PRR12: variants seen among roughly 807,000 people sequenced by gnomAD.
The protein encoded by PRR12 is proline-rich protein 12.
Under a neutral mutation model 138.0 loss-of-function variants are expected in PRR12, and 12 were observed. That is an observed-to-expected ratio of 0.09 (90% CI 0.06 to 0.14). The LOEUF is 0.14. Ranked by LOEUF, PRR12 falls within the 10% of genes least tolerant of loss-of-function variation. PRR12 has a pLI of 1.00. For missense variants in PRR12, 2,692 were observed against 2,861.3 expected, an observed-to-expected ratio of 0.94 and a Z score of 1.35; for synonymous variants, 1,567 against 1,291.7, an observed-to-expected ratio of 1.21 and a Z score of -4.57.
At chr19:49,601,953 TG>T (rs1241696474) in intron 6 of PRR12, 35 bp downstream of exon 6, 1 of 1,596,570 alleles carries the variant, frequency 6.3e-7, no homozygotes, top group Non-Finnish European at 8.5e-7. Context: ...CTGGGCCTGA[TG>T]GGTTTGGTCA....
intron 6 of PRR12, among the ~76,000 whole-genome samples, chr19:49,611,326 C>T (rs972712689): frequency 2.0e-5 from 3 of 151,346 alleles, no homozygotes; most frequent in Admixed American, 6.6e-5. Flanking sequence ...CTGAGAGGGT[C>T]TCACAAAAAC....
In PRR12 at chr19:49,601,840, C is replaced by T. The variant is rs368409811; in HGVS notation, c.4695C>T (p.Ala1565=). The T allele has an allele frequency of 2.5e-4, 398 of 1,612,828 alleles. No homozygotes were observed. The highest frequency in any genetic ancestry group is 2.6e-4 in the Non-Finnish European group (307 of 1,179,882). Residue 1565 remains alanine (A), a synonymous_variant, in exon 6 of 14, where the codon GCC becomes GCT. Transcript: ENST00000418929. ...TGTGTGGGGAGACGGACGAGGAGGC[C>T]GGCGAGAGTGGCGGAGAGGGCATCT... ...AAVCGETDEE[A]GESGGEGIFR... is the part of the protein sequence containing the mutation.
At chr19:49,610,038 G>A (rs922351270) in intron 6 of PRR12, among the ~76,000 whole-genome samples, 10 of 151,410 alleles carry the variant, frequency 6.6e-5, no homozygotes, top group Admixed American at 2.0e-4. Context: ...GCGATGGCGC[G>A]ATCTCGGCTC....
Position 49,597,749 on chromosome 19 carries a change from G to A in PRR12, c.3414G>A (p.Gly1138=). The part of the protein sequence containing the change: ...CRSRPALSPL[G]DIDFCPPNPG... Reference sequence around the variant, plus strand: ...CCCGTCCGGCCCTCTCGCCACTGGGGGACATCGACTTCTGCCCACCCAACC... The same window carrying A: ...CCCGTCCGGCCCTCTCGCCACTGGGAGACATCGACTTCTGCCCACCCAACC... Residue 1138 remains glycine, a synonymous_variant, in exon 4 of 14, where the codon GGG becomes GGA. Transcript: ENST00000418929. The surrounding 1 kb of genome is among the most constrained non-coding windows in gnomAD (Gnocchi z 6.3). The A allele has an allele frequency of 6.2e-7, 1 of 1,607,420 alleles. No homozygotes were observed. Among genetic ancestry groups the A allele is most frequent in the South Asian group, 1.1e-5 (1 of 90,034 alleles).
chr19:49,593,009 A>T (rs1474121781), intron 1 of PRR12, among the ~76,000 whole-genome samples: 1 of 151,804 alleles, frequency 6.6e-6, no homozygotes, highest in African/African-American at 2.4e-5. Context: ...GAGGGCTCTC[A>T]TTTGCAAATC....
At position 49,607,880 on chromosome 19, in the gene PRR12, G is replaced by A. The variant is rs8112186; in HGVS notation, c.4773+5962G>A. Among the ~76,000 whole-genome samples the A allele has an allele frequency of 4.3e-3, 652 of 151,376 alleles. 20 individuals carry two copies. In the East Asian group the frequency reaches 0.098, roughly 23 times the overall value. ...CTAGAAATATAAAAATTAGCCGGGC[G>A]TGGGGGTGGGCACCTGTAATCCCAG... On this transcript the variant is annotated intron_variant, in intron 6 of 13. Coordinates refer to ENST00000418929, the MANE Select transcript of PRR12 (RefSeq NM_020719.3).
At chr19:49,624,770 T>A (rs2080945854) in intron 11 of PRR12, 74 bp from the exon 12 acceptor site, 6 of 1,562,524 alleles carry the variant, frequency 3.8e-6, no homozygotes, top group Non-Finnish European at 5.2e-6. Flanking sequence ...GAGGCACAGA[T>A]CTGAGACCTG....
intron 10 of PRR12, 102 bp downstream of exon 10, chr19:49,620,579 G>A (rs2080916975): frequency 1.4e-6 from 2 of 1,475,048 alleles, no homozygotes; most frequent in Non-Finnish European, 9.2e-7. Context: ...TTTGGGGTCG[G>A]GACTCCTGAG....
Position 49,625,601 on chromosome 19 carries a change from C to T in PRR12, c.6105C>T (p.Cys2035=), listed in dbSNP as rs867985347. 10 of 1,602,862 alleles carry T rather than the reference C, an allele frequency of 6.2e-6. No homozygotes were observed. The East Asian group carries it at 6.7e-5, about 11-fold the overall frequency. The change falls in exon 14 of 14, where the codon TGC becomes TGT. Residue 2035 remains cysteine (C), a synonymous_variant. Transcript: ENST00000418929. The surrounding 1 kb of genome is among the most constrained non-coding windows in gnomAD (Gnocchi z 5.5). ...CCCAAGCACAGGCCCACAGCCGCTG[C>T]GGGTGACCCCGCCCCAGCTTGTGAG... ...LLAQAQAHSR[C]G
At position 49,596,062 on chromosome 19, in the gene PRR12, G is replaced by A. The variant is rs202055181; in HGVS notation, c.1727G>A (p.Arg576His). The A allele has an allele frequency of 1.2e-5, 20 of 1,601,640 alleles. No individual in the cohort carries two copies. Among genetic ancestry groups the A allele is most frequent in the African/African-American group, 6.7e-5 (5 of 75,040 alleles). ...RPLQSPPATGRPPGVGSPGAP... is the reference protein window; with the variant it reads ...RPLQSPPATGHPPGVGSPGAP... Reference sequence around the variant, plus strand: ...CTCCAGTCACCGCCTGCCACCGGCCGTCCACCTGGAGTCGGCTCTCCAGGA... The same window carrying A: ...CTCCAGTCACCGCCTGCCACCGGCCATCCACCTGGAGTCGGCTCTCCAGGA... The change falls in exon 4 of 14, where the codon CGT becomes CAT. Residue 576 changes from arginine (R) to histidine (H), a missense_variant. Arg to His is a conservative substitution (Grantham distance 29). Coordinates refer to ENST00000418929, the MANE Select transcript of PRR12 (RefSeq NM_020719.3). This position sits in a 1 kb window ranked among gnomAD's most constrained non-coding sequence, Gnocchi z 5.6.
At chr19:49,600,041 T>TGTG in intron 5 of PRR12, 103 bp downstream of exon 5, 5 of 1,232,322 alleles carry the variant, frequency 4.1e-6, no homozygotes, top group Non-Finnish European at 4.4e-6. Flanking sequence ...ACCATTCACA[T>TGTG]ACATGGTGTA....
Position 49,616,346 on chromosome 19 carries a change from T to C in PRR12, c.5497+127T>C, listed in dbSNP as rs1425563919. The C allele has an allele frequency of 1.1e-5, 9 of 813,730 alleles. No individual in the cohort carries two copies. Among genetic ancestry groups the C allele is most frequent in the Non-Finnish European group, 1.6e-5 (9 of 550,732 alleles). The allele number at this position is 813,730 out of a possible 1,614,324, so 50.4% of individuals were successfully genotyped here. On this transcript the variant is annotated intron_variant, in intron 9 of 13. Coordinates refer to ENST00000418929, the MANE Select transcript of PRR12 (RefSeq NM_020719.3). The surrounding 1 kb of genome is among the most constrained non-coding windows in gnomAD (Gnocchi z 4.2). ...ACCAGTATGTTACAGATAATGGCAG[T>C]AGCTCACAGTCACGGGGCATCTCAC...
intron 1 of PRR12, among the ~76,000 whole-genome samples, chr19:49,592,975 G>T (rs937843344): frequency 6.6e-6 from 1 of 152,084 alleles, no homozygotes; most frequent in Non-Finnish European, 1.5e-5. Context: ...CGGGGGCTGG[G>T]GGGGGTTTGT....
chr19:49,621,779 C>A, intron 11 of PRR12, 157 bp downstream of exon 11: 2 of 631,550 alleles, frequency 3.2e-6, no homozygotes, highest in Non-Finnish European at 5.6e-6. Flanking sequence ...GTCAGGAGAT[C>A]TCTGGGTTCT....
chr19:49,597,858 C>T lies in PRR12; in HGVS notation c.3523C>T (p.Arg1175Trp). ...GCCACCCCGGCCACGGGGGAGGCCC[C>T]GGATCCGCCCCCTGGAGGTCCCGAC... ...DGPPRPRGRPRIRPLEVPTTA... is the reference protein window; with the variant it reads ...DGPPRPRGRPWIRPLEVPTTA... Residue 1175 changes from arginine (R) to tryptophan (W), a missense_variant, in exon 4 of 14, where the codon CGG becomes TGG. Arg to Trp is a moderately radical substitution (Grantham distance 101). Transcript: ENST00000418929. This position sits in a 1 kb window ranked among gnomAD's most constrained non-coding sequence, Gnocchi z 6.3. 6.9e-7 allele frequency: 1 copy of T among 1,459,634 alleles called. No individual in the cohort carries two copies. The highest frequency in any genetic ancestry group is 1.4e-5 in the South Asian group (1 of 69,942). The allele number at this position is 1,459,634 out of a possible 1,614,324, so 90.4% of individuals were successfully genotyped here. A position where few individuals can be genotyped will look rare whatever the true frequency, so the allele number is the denominator to read the frequency against.
chr19:49,615,959 A>G lies in PRR12; in HGVS notation c.5237A>G (p.Lys1746Arg), dbSNP rs753496980. The G allele has an allele frequency of 1.9e-6, 3 of 1,553,024 alleles. No homozygotes were observed. In the African/African-American group the frequency reaches 4.1e-5, roughly 21 times the overall value. ...RPVEKEKEKE[K>R]VTRGERPLRG... The stretch of plus-strand genomic sequence containing the variant: ...GTTGAGAAGGAAAAGGAGAAGGAGA[A>G]GGTGACACGTGGAGAGCGGCCATTG... The change falls in exon 9 of 14, where the codon AAG becomes AGG. Residue 1746 changes from lysine (K) to arginine (R), a missense_variant. Transcript: ENST00000418929.
At position 49,616,036 on chromosome 19, in the gene PRR12, G is replaced by T. The variant is rs189469394; in HGVS notation, c.5314G>T (p.Ala1772Ser). 2.8e-3 allele frequency: 4,394 copies of T among 1,556,544 alleles called. 13 individuals carry two copies. The highest frequency in any genetic ancestry group is 5.5e-3 in the Middle Eastern group (33 of 5,986). The change falls in exon 9 of 14, where the codon GCC becomes TCC. Residue 1772 changes from alanine (A) to serine (S), a missense_variant. By Grantham distance (99) the Ala-to-Ser change is moderately conservative (BLOSUM62 1). This residue lies in a region of PRR12 where 259 missense variants were observed against 265.1 expected (regional missense o/e 0.98). Transcript: ENST00000418929. The surrounding 1 kb of genome is among the most constrained non-coding windows in gnomAD (Gnocchi z 4.2). Reference protein sequence around the residue: ...GRQTRPERSLATGQPATSRLP... With the variant: ...GRQTRPERSLSTGQPATSRLP... The stretch of plus-strand genomic sequence containing the variant: ...GCAGACACGGCCAGAGCGGAGTCTC[G>T]CCACGGGACAACCTGCCACATCCCG...
intron 6 of PRR12, among the ~76,000 whole-genome samples, chr19:49,607,122 C>G (rs973846098): frequency 6.6e-6 from 1 of 151,330 alleles, no homozygotes; most frequent in South Asian, 2.1e-4. Context: ...TGTGAGCCCC[C>G]GCCTTTAAGG....
rs1292123203 is a variant in PRR12 at position 49,594,787 on chromosome 19, A to C, written c.452A>C (p.Tyr151Ser). 1.2e-6 allele frequency: 2 copies of C among 1,613,154 alleles called. No homozygotes were observed. Among genetic ancestry groups the C allele is most frequent in the Admixed American group, 3.3e-5 (2 of 59,960 alleles). ...TFPSSSALSAYQHPASFGSRP... is the reference protein window; with the variant it reads ...TFPSSSALSASQHPASFGSRP... ...CCGTCCTCATCTGCCCTGTCGGCTTACCAACACCCGGCTTCCTTCGGCAGC... is the reference window on the plus strand; with the variant it reads ...CCGTCCTCATCTGCCCTGTCGGCTTCCCAACACCCGGCTTCCTTCGGCAGC... The change falls in exon 4 of 14, where the codon TAC (tyrosine) becomes TCC (serine). Residue 151 changes from tyrosine to serine, a missense_variant. Physicochemically the swap from Tyr to Ser is moderately radical, Grantham distance 144. Coordinates refer to ENST00000418929, the MANE Select transcript of PRR12 (RefSeq NM_020719.3). This position sits in a 1 kb window ranked among gnomAD's most constrained non-coding sequence, Gnocchi z 5.6.
Sources: allele counts gnomAD v4.1 joint callset (sites outside exome capture counted in the v4.1 genomes callset), GRCh38; gene constraint gnomAD v4.1.1; regional missense constraint gnomAD v4.1.1; non-coding constraint Gnocchi (gnomAD v3.1); transcripts MANE v1.5; gene names NCBI Gene and HGNC (gene_info 2026-07-23, HGNC 2026-07-21).